Variants in CXorf38 observed in about 807,000 individuals in gnomAD.
The protein encoded by CXorf38 is uncharacterized protein CXorf38.
In CXorf38, 13 loss-of-function variants were observed where a neutral mutation model predicts 27.5. The observed-to-expected ratio is 0.47, with a 90% confidence interval of 0.31 to 0.75. The LOEUF is 0.75. CXorf38 is among the 30% of genes least tolerant of loss of function. The pLI is 0.05. For missense variants in CXorf38, 240 were observed against 253.2 expected, an observed-to-expected ratio of 0.95 and a Z score of 0.35; for synonymous variants, 100 against 99.8, an observed-to-expected ratio of 1.00 and a Z score of -0.01.
At chrX:40,636,025 G>A (rs1928051437) in intron 5 of CXorf38, among the ~76,000 whole-genome samples, 1 of 112,755 alleles carries the variant, frequency 8.9e-6, no homozygotes, top group Non-Finnish European at 1.9e-5. Context: ...TTTGGCATGT[G>A]GCTCCAGCCC....
Position 40,647,511 on chromosome X carries a change from A to G in CXorf38, c.10T>C (p.Ser4Pro), listed in dbSNP as rs1326497887. 3 of 1,183,616 alleles carry G rather than the reference A, an allele frequency of 2.5e-6. No homozygotes were observed. Among genetic ancestry groups the G allele is most frequent in the Non-Finnish European group, 3.4e-6 (3 of 885,847 alleles). The change falls in exon 1 of 7, where the codon TCG becomes CCG. Residue 4 changes from serine (S) to proline (P), a missense_variant. Transcript: ENST00000327877. MVLSELAARLNCAE... is the reference protein window; with the variant it reads MVLPELAARLNCAE... The stretch of plus-strand genomic sequence containing the variant: ...CAGTTGAGGCGCGCCGCTAGCTCCG[A>G]CAGCACCATGTCTCCCACTTGGAAC...
chrX:40,632,751 G>A (rs1179541262), intron 5 of CXorf38, among the ~76,000 whole-genome samples: 2 of 111,832 alleles, frequency 1.8e-5, no homozygotes, highest in Non-Finnish European at 3.8e-5. Context: ...TTAACTAGCT[G>A]TGTGACTTTG....
chrX:40,631,609 A>G (rs1366465520), intron 5 of CXorf38, among the ~76,000 whole-genome samples: 3 of 111,673 alleles, frequency 2.7e-5, no homozygotes, highest in Admixed American at 9.5e-5. Flanking sequence ...CCCAGCGATG[A>G]ATGCTTTTAA....
chrX:40,644,012 A>G (rs1450542784), intron 2 of CXorf38, among the ~76,000 whole-genome samples: 1 of 112,164 alleles, frequency 8.9e-6, no homozygotes, highest in Admixed American at 9.4e-5. Context: ...GCATTTTAAA[A>G]ATTCCATTCA....
intron 3 of CXorf38, among the ~76,000 whole-genome samples, chrX:40,638,350 T>G (rs1928164664): frequency 8.9e-6 from 1 of 112,221 alleles, no homozygotes; most frequent in Non-Finnish European, 1.9e-5. Context: ...AAAAGATACA[T>G]GCATTTTCTC....
At chrX:40,638,337 G>A (rs1325057157) in intron 3 of CXorf38, among the ~76,000 whole-genome samples, 2 of 112,173 alleles carry the variant, frequency 1.8e-5, no homozygotes, top group African/African-American at 3.2e-5. Context: ...CTGGTATGCA[G>A]ACAAAAGATA....
intron 2 of CXorf38, among the ~76,000 whole-genome samples, chrX:40,642,401 C>T (rs777903404): frequency 8.9e-5 from 10 of 111,852 alleles, no homozygotes; most frequent in Admixed American, 3.8e-4. Context: ...TAGCATTTAA[C>T]TCCACAGGCC....
In CXorf38 at chrX:40,629,613, T is replaced by C. The variant is rs1368081496; in HGVS notation, c.*551A>G. ...CCTGGGTGGTAGCAAGTTTTGTTGTTGTTTTTTGTTTTTTTGGGAGACAGA... is the reference window on the plus strand; with the variant it reads ...CCTGGGTGGTAGCAAGTTTTGTTGTCGTTTTTTGTTTTTTTGGGAGACAGA... On this transcript the variant is annotated 3_prime_UTR_variant, in exon 7 of 7. Transcript: ENST00000327877. 9.0e-6 allele frequency: 1 copy of C among 111,385 alleles called. No individual in the cohort carries two copies. Among genetic ancestry groups the C allele is most frequent in the East Asian group, 2.8e-4 (1 of 3,550 alleles). 9.2% of individuals were successfully genotyped at this position (111,385 alleles called of 1,213,427 possible).
chrX:40,646,810 G>A (rs1928602211), intron 2 of CXorf38, among the ~76,000 whole-genome samples, 197 bp downstream of exon 2: 1 of 111,508 alleles, frequency 9.0e-6, no homozygotes, highest in Non-Finnish European at 1.9e-5. Flanking sequence ...CCCTCAGGAA[G>A]CAGACGGGTA....
chrX:40,644,786 G>T (rs924396690), intron 2 of CXorf38, among the ~76,000 whole-genome samples: 1 of 112,021 alleles, frequency 8.9e-6, no homozygotes, highest in Non-Finnish European at 1.9e-5. Context: ...ATTCCGTGAA[G>T]CATGAGCAAG....
rs1335098050 is a variant in CXorf38 at position 40,630,768 on chromosome X, T to G, written c.807A>C (p.Ser269=). 1 of 1,209,284 alleles carries G rather than the reference T, an allele frequency of 8.3e-7. No homozygotes were observed. The highest frequency in any genetic ancestry group is 1.1e-6 in the Non-Finnish European group (1 of 894,094). ...EEQEVLPEEL[S]NRLEVVKEFL... ...ATTCCTTCACCACTTCCAGTCGATT[T>G]GAGAGCTGCAAGAGGAAACCATGCA... The change falls in exon 6 of 7, where the codon TCA becomes TCC. Residue 269 remains serine, a synonymous_variant. Transcript: ENST00000327877.
intron 3 of CXorf38, 26 bp from the exon 4 acceptor site, chrX:40,637,182 G>C (rs1928111427): frequency 1.9e-6 from 2 of 1,073,225 alleles, no homozygotes; most frequent in South Asian, 5.2e-5. Context: ...AAGATAAAAG[G>C]CTTCAAAATC....
At chrX:40,638,017 C>A (rs1310109350) in intron 3 of CXorf38, among the ~76,000 whole-genome samples, 1 of 112,136 alleles carries the variant, frequency 8.9e-6, no homozygotes, top group East Asian at 2.8e-4. Flanking sequence ...TAACTTAAAA[C>A]AACCTGCCAA....
At position 40,627,588 on chromosome X, in the gene CXorf38, A is replaced by G. The variant is rs1023506782; in HGVS notation, c.*2576T>C. On this transcript the variant is annotated 3_prime_UTR_variant, in exon 7 of 7. Transcript: ENST00000327877. ...TCGCTTCATTCTTTCCAACAGTTGC[A>G]TAAGATCCTGTAGTATGGATGTGCT... 3 of 112,486 alleles carry G rather than the reference A, an allele frequency of 2.7e-5. No individual in the cohort carries two copies. In the East Asian group the frequency reaches 8.3e-4, roughly 31 times the overall value. 9.3% of individuals were successfully genotyped at this position (112,486 alleles called of 1,213,427 possible). A position where few individuals can be genotyped will look rare whatever the true frequency, so the allele number is the denominator to read the frequency against.
At chrX:40,644,323 G>T (rs1371309351) in intron 2 of CXorf38, among the ~76,000 whole-genome samples, 3 of 111,999 alleles carry the variant, frequency 2.7e-5, no homozygotes, top group Non-Finnish European at 5.6e-5. Flanking sequence ...TCCAACACAC[G>T]AGTGGAGGTA....
rs941606727 is a variant in CXorf38, at chrX:40,647,543, G to A, written c.-23C>T. The A allele has an allele frequency of 8.5e-7, 1 of 1,173,768 alleles. No homozygotes were observed. The highest frequency in any genetic ancestry group is 1.1e-6 in the Non-Finnish European group (1 of 882,839). On this transcript the variant is annotated 5_prime_UTR_variant, in exon 1 of 7. Coordinates refer to ENST00000327877, the MANE Select transcript of CXorf38 (RefSeq NM_144970.3). ...CATGTCTCCCACTTGGAACCAGGAG[G>A]TTGCGGGGCGTGGCGGACGGCAGTG...
At chrX:40,641,942 T>C (rs890262234) in intron 2 of CXorf38, among the ~76,000 whole-genome samples, 2 of 111,352 alleles carry the variant, frequency 1.8e-5, no homozygotes, top group South Asian at 3.8e-4. Flanking sequence ...TTATTGGCTC[T>C]GGAAAGGTGT....
chrX:40,646,924 C>T, intron 2 of CXorf38, 83 bp downstream of exon 2: 2 of 1,070,839 alleles, frequency 1.9e-6, no homozygotes, highest in African/African-American at 1.9e-5. Flanking sequence ...TTATGAGGCC[C>T]CGGCGACCAC....
intron 5 of CXorf38, among the ~76,000 whole-genome samples, chrX:40,632,022 A>G (rs1185844186): frequency 5.4e-5 from 6 of 111,968 alleles, no homozygotes; most frequent in Non-Finnish European, 9.4e-5. Flanking sequence ...GGCTTTAAAT[A>G]ATAAATCTGG....
Sources: allele counts gnomAD v4.1 joint callset (sites outside exome capture counted in the v4.1 genomes callset), GRCh38; gene constraint gnomAD v4.1.1; transcripts MANE v1.5; gene names NCBI Gene and HGNC (gene_info 2026-07-23, HGNC 2026-07-21).